MSI2: variants seen among roughly 807,000 people sequenced by gnomAD.
The protein encoded by MSI2 is RNA-binding protein Musashi homolog 2.
In MSI2, 17 loss-of-function variants were observed where a neutral mutation model predicts 45.6. That is an observed-to-expected ratio of 0.37 (90% CI 0.26 to 0.56). The LOEUF is 0.56. Ranked by LOEUF, MSI2 falls within the 20% of genes least tolerant of loss-of-function variation. The probability of loss-of-function intolerance (pLI) is 0.77; values close to 1 mark genes in which losing one functional copy is unlikely to be tolerated. For missense variants in MSI2, 293 were observed against 444.2 expected (o/e 0.66, Z 3.06); for synonymous variants, 156 against 158.2 (o/e 0.99, Z 0.11).
chr17:57,609,861 AC>A (rs1907054943), intron 8 of MSI2, among the ~76,000 whole-genome samples: 1 of 152,144 alleles, frequency 6.6e-6, no homozygotes, highest in Non-Finnish European at 1.5e-5. Context: ...GGGCCACAGC[AC>A]CCACTCTCCT....
At chr17:57,287,564 T>C (rs1910028583) in intron 5 of MSI2, among the ~76,000 whole-genome samples, 1 of 152,196 alleles carries the variant, frequency 6.6e-6, no homozygotes, top group African/African-American at 2.4e-5. Flanking sequence ...TGGTTTGTGT[T>C]AGGTGTTTGG....
chr17:57,576,989 TC>T (rs1292404444), intron 7 of MSI2, among the ~76,000 whole-genome samples: 1 of 152,068 alleles, frequency 6.6e-6, no homozygotes. Flanking sequence ...AATATTCCAT[TC>T]CAGGCATTTA....
Position 57,652,577 on chromosome 17 carries a change from C to G in MSI2, c.790+416C>G, listed in dbSNP as rs1200165215. ...GAAGTGCTAGGCTGTCCCCTGGGAC[C>G]CTGCTGCACTGGTAGGTGGGCTTGC... On this transcript the variant is annotated intron_variant, in intron 11 of 13. Coordinates refer to ENST00000284073, the MANE Select transcript of MSI2 (RefSeq NM_138962.4). The surrounding 1 kb of genome is among the most constrained non-coding windows in gnomAD (Gnocchi z 4.1). 1.3e-5 allele frequency among the ~76,000 whole-genome samples: 2 copies of G among 152,160 alleles called. No homozygotes were observed. The highest frequency in any genetic ancestry group is 4.8e-5 in the African/African-American group (2 of 41,440).
chr17:57,375,913 T>G (rs2083488147), intron 5 of MSI2, among the ~76,000 whole-genome samples: 1 of 152,198 alleles, frequency 6.6e-6, no homozygotes, highest in Non-Finnish European at 1.5e-5. Flanking sequence ...CGATGCTCAC[T>G]CTGACCGCCC....
chr17:57,414,985 C>T (rs2084267287), intron 6 of MSI2, among the ~76,000 whole-genome samples: 1 of 152,168 alleles, frequency 6.6e-6, no homozygotes, highest in Non-Finnish European at 1.5e-5. Context: ...TCTGTTTCAT[C>T]TTCTCTCCTT....
At chr17:57,406,422 A>C (rs1343932722) in intron 6 of MSI2, among the ~76,000 whole-genome samples, 1 of 152,114 alleles carries the variant, frequency 6.6e-6, no homozygotes, top group South Asian at 2.1e-4. Flanking sequence ...AGGATTTTGG[A>C]GATCAAAAAG....
At chr17:57,513,061 C>T (rs2086392338) in intron 6 of MSI2, among the ~76,000 whole-genome samples, 1 of 150,752 alleles carries the variant, frequency 6.6e-6, no homozygotes, top group East Asian at 2.0e-4. Context: ...GCAACCTCCA[C>T]CTCCCGGGTT....
chr17:57,472,593 C>A (rs9897416), intron 6 of MSI2, among the ~76,000 whole-genome samples: 100 of 152,322 alleles, frequency 6.6e-4, no homozygotes, highest in Middle Eastern at 6.8e-3. Flanking sequence ...TGCCAACTGG[C>A]CTCATGACCT....
intron 7 of MSI2, among the ~76,000 whole-genome samples, chr17:57,546,325 CT>C (rs2087166484): frequency 6.6e-6 from 1 of 152,156 alleles, no homozygotes; most frequent in Non-Finnish European, 1.5e-5. Context: ...TATTGTAATA[CT>C]AATTGATTGG....
chr17:57,536,849 C>G (rs948304740), intron 7 of MSI2, among the ~76,000 whole-genome samples: 1 of 152,050 alleles, frequency 6.6e-6, no homozygotes, highest in Non-Finnish European at 1.5e-5. Context: ...AGTTCAGGGT[C>G]CTAGATGGGG....
At chr17:57,455,853 C>T (rs2085104054) in intron 6 of MSI2, among the ~76,000 whole-genome samples, 1 of 152,222 alleles carries the variant, frequency 6.6e-6, no homozygotes, top group Non-Finnish European at 1.5e-5. Context: ...AGCACGCACA[C>T]AGGCACAGGC....
chr17:57,561,751 A>G (rs1567900714), intron 7 of MSI2, among the ~76,000 whole-genome samples: 1 of 152,154 alleles, frequency 6.6e-6, no homozygotes, highest in Non-Finnish European at 1.5e-5. Context: ...CCCCTCTTGA[A>G]GCAGCACCCC....
intron 5 of MSI2, among the ~76,000 whole-genome samples, chr17:57,389,960 A>C (rs1282389119): frequency 6.6e-6 from 1 of 151,904 alleles, no homozygotes; most frequent in Non-Finnish European, 1.5e-5. Flanking sequence ...TCTGAAGGCC[A>C]GGCATGGTGG....
chr17:57,700,433 C>T, the MSI2 span, among the ~76,000 whole-genome samples: 1 of 152,150 alleles, frequency 6.6e-6, no homozygotes, highest in African/African-American at 2.4e-5. Flanking sequence ...ATTGAAGAAG[C>T]ATAAAAGTGC....
At chr17:57,378,603 G>A (rs950950975) in intron 5 of MSI2, among the ~76,000 whole-genome samples, 2 of 152,064 alleles carry the variant, frequency 1.3e-5, no homozygotes, top group African/African-American at 4.8e-5. Flanking sequence ...CTCCGTATTA[G>A]CCAGGCTGGT....
At chr17:57,695,560 C>A in the MSI2 span, among the ~76,000 whole-genome samples, 2 of 152,136 alleles carry the variant, frequency 1.3e-5, no homozygotes, top group Non-Finnish European at 2.9e-5. Flanking sequence ...CTGCCCTTGA[C>A]TAGTATAGGC....
chr17:57,479,893 A>G lies in MSI2; in HGVS notation c.406-49783A>G, dbSNP rs1158436276. 2.0e-5 allele frequency among the ~76,000 whole-genome samples: 3 copies of G among 152,228 alleles called. No individual in the cohort carries two copies. The South Asian group carries it at 6.2e-4, about 31-fold the overall frequency. ...CTGCAGCTTGTGGAGATTGAGTAAT[A>G]TATCCAACGTTCTGCCAGCATTCAA... On this transcript the variant is annotated intron_variant, in intron 6 of 13. Transcript: ENST00000284073.
chr17:57,485,554 C>T (rs2085736699), intron 6 of MSI2, among the ~76,000 whole-genome samples: 1 of 152,148 alleles, frequency 6.6e-6, no homozygotes, highest in Non-Finnish European at 1.5e-5. Flanking sequence ...TGGAGCTGCT[C>T]AGGAAAGAAA....
chr17:57,513,911 CAAAAAA>C (rs541556702), intron 6 of MSI2, among the ~76,000 whole-genome samples: 1 of 151,974 alleles, frequency 6.6e-6, no homozygotes, highest in South Asian at 2.1e-4. Flanking sequence ...TTAAAAACGA[CAAAAAA>C]AGAAATGTAA....
Sources: allele counts gnomAD v4.1 joint callset (sites outside exome capture counted in the v4.1 genomes callset), GRCh38; gene constraint gnomAD v4.1.1; non-coding constraint Gnocchi (gnomAD v3.1); transcripts MANE v1.5; gene names NCBI Gene and HGNC (gene_info 2026-07-23, HGNC 2026-07-21).